The following GFRA1 variants were observed in gnomAD, a reference collection of about 807,000 sequenced individuals.
GFRA1 encodes GDNF family receptor alpha-1.
Under a neutral mutation model 51.6 loss-of-function variants are expected in GFRA1, and 16 were observed. That is an observed-to-expected ratio of 0.31 (90% CI 0.21 to 0.47). The LOEUF (loss-of-function observed/expected upper bound fraction) is 0.47, where lower values mean the gene tolerates loss of function less well. GFRA1 is among the 20% of genes least tolerant of loss of function. GFRA1 has a pLI of 1.00. For synonymous variants in GFRA1, 270 were observed against 241.3 expected, an observed-to-expected ratio of 1.12 and a Z score of -1.10; for missense variants, 530 against 594.3, an observed-to-expected ratio of 0.89 and a Z score of 1.13.
At chr10:116,239,279 C>T (rs1156909538) in intron 4 of GFRA1, among the ~76,000 whole-genome samples, 1 of 152,188 alleles carries the variant, frequency 6.6e-6, no homozygotes, top group Non-Finnish European at 1.5e-5. Context: ...AATTCCTTGA[C>T]ATTTTTGTTT....
intron 4 of GFRA1, among the ~76,000 whole-genome samples, chr10:116,215,965 G>A (rs1358828531): frequency 6.6e-6 from 1 of 152,062 alleles, no homozygotes; most frequent in East Asian, 1.9e-4. Flanking sequence ...AGATGTGGGA[G>A]GAAGAAAATA....
chr10:116,179,802 A>G (rs1198410077), intron 5 of GFRA1, among the ~76,000 whole-genome samples: 1 of 152,206 alleles, frequency 6.6e-6, no homozygotes, highest in Admixed American at 6.5e-5. Flanking sequence ...GTTCTGAAGA[A>G]TCAGCAGGGC....
intron 4 of GFRA1, among the ~76,000 whole-genome samples, chr10:116,243,146 T>G (rs1967541310): frequency 6.6e-6 from 1 of 152,194 alleles, no homozygotes; most frequent in Admixed American, 6.5e-5. Context: ...ATTCTCCAGC[T>G]ATAGAATATA....
chr10:116,260,089 C>T (rs2134753698), intron 4 of GFRA1, among the ~76,000 whole-genome samples: 1 of 152,234 alleles, frequency 6.6e-6, no homozygotes, highest in Non-Finnish European at 1.5e-5. Flanking sequence ...TGCAGTTTGA[C>T]CAAAAATAGG....
chr10:116,213,304 A>C (rs1965338120), intron 4 of GFRA1, among the ~76,000 whole-genome samples: 1 of 152,206 alleles, frequency 6.6e-6, no homozygotes, highest in Non-Finnish European at 1.5e-5. Flanking sequence ...TATATCTCAC[A>C]CAGTGGATTA....
chr10:116,073,251 G>A (rs906547282), intron 9 of GFRA1, among the ~76,000 whole-genome samples: 2 of 152,200 alleles, frequency 1.3e-5, no homozygotes, highest in African/African-American at 4.8e-5. Flanking sequence ...GGAGTGCTGC[G>A]TGCAGACTCT....
intron 9 of GFRA1, among the ~76,000 whole-genome samples, chr10:116,082,206 A>C (rs1451671456): frequency 2.6e-5 from 4 of 152,160 alleles, no homozygotes; most frequent in Admixed American, 2.6e-4. Flanking sequence ...CTGGACCAAG[A>C]TCTGACCAGA....
intron 4 of GFRA1, among the ~76,000 whole-genome samples, chr10:116,215,271 T>C (rs1965480358): frequency 6.6e-6 from 1 of 152,222 alleles, no homozygotes; most frequent in East Asian, 1.9e-4. Context: ...AGGCGGTTTC[T>C]GTTCTGTTGG....
At chr10:116,190,886 T>C (rs1963195775) in intron 5 of GFRA1, among the ~76,000 whole-genome samples, 1 of 152,238 alleles carries the variant, frequency 6.6e-6, no homozygotes, top group Non-Finnish European at 1.5e-5. Context: ...AGAATTATTT[T>C]GCTGTATTTT....
At chr10:116,251,661 T>C (rs891731345) in intron 4 of GFRA1, among the ~76,000 whole-genome samples, 4 of 152,084 alleles carry the variant, frequency 2.6e-5, no homozygotes, top group East Asian at 1.9e-4. Flanking sequence ...GCCAGTAGAG[T>C]TCCTTTACTC....
intron 5 of GFRA1, among the ~76,000 whole-genome samples, chr10:116,192,079 G>A (rs145397392): frequency 2.7e-4 from 41 of 152,254 alleles, no homozygotes; most frequent in African/African-American, 9.6e-4. Context: ...ACACTACATA[G>A]TCCAAATGAA....
intron 8 of GFRA1, among the ~76,000 whole-genome samples, chr10:116,091,993 CA>C (rs774615529): frequency 6.6e-5 from 10 of 152,094 alleles, no homozygotes; most frequent in Admixed American, 2.0e-4. Flanking sequence ...CCAGCATGAG[CA>C]AAATCTTTTC....
intron 5 of GFRA1, among the ~76,000 whole-genome samples, chr10:116,188,761 C>T (rs776120507): frequency 6.6e-6 from 1 of 151,596 alleles, no homozygotes; most frequent in African/African-American, 2.4e-5. Flanking sequence ...GTTAGCCGGG[C>T]GTGGTGGTGC....
chr10:116,186,001 T>G (rs1679648448), intron 5 of GFRA1, among the ~76,000 whole-genome samples: 1 of 152,174 alleles, frequency 6.6e-6, no homozygotes, highest in African/African-American at 2.4e-5. Context: ...TATTTTACTT[T>G]ATTATTTTTG....
intron 9 of GFRA1, among the ~76,000 whole-genome samples, chr10:116,078,008 G>A (rs996846570): frequency 9.2e-5 from 14 of 152,294 alleles, no homozygotes; most frequent in Admixed American, 2.6e-4. Context: ...GCTTAGTTAC[G>A]GAATAGCTGC....
intron 6 of GFRA1, 130 bp from the exon 7 acceptor site, chr10:116,096,894 C>CAT (rs976359472): frequency 1.6e-4 from 103 of 634,538 alleles, no homozygotes; most frequent in Middle Eastern, 2.7e-4. Context: ...CACACACACA[C>CAT]ACACACATAC....
At chr10:116,172,200 A>G (rs1292848928) in intron 5 of GFRA1, among the ~76,000 whole-genome samples, 1 of 152,162 alleles carries the variant, frequency 6.6e-6, no homozygotes, top group East Asian at 1.9e-4. Context: ...TTAATAAAAC[A>G]TACAATTCCT....
intron 9 of GFRA1, among the ~76,000 whole-genome samples, chr10:116,085,326 C>G (rs1013587226): frequency 2.6e-5 from 4 of 152,130 alleles, no homozygotes; most frequent in African/African-American, 9.7e-5. Context: ...CAAGAGTTTT[C>G]TCATATTATT....
At chr10:116,179,007 C>T (rs1450515361) in intron 5 of GFRA1, among the ~76,000 whole-genome samples, 1 of 152,130 alleles carries the variant, frequency 6.6e-6, no homozygotes, top group Non-Finnish European at 1.5e-5. Context: ...TCTGCTCCCC[C>T]GGTTACCGAC....
Sources: allele counts gnomAD v4.1 joint callset (sites outside exome capture counted in the v4.1 genomes callset), GRCh38; gene constraint gnomAD v4.1.1; transcripts MANE v1.5; gene names NCBI Gene and HGNC (gene_info 2026-07-23, HGNC 2026-07-21).